The following SNAPC1 variants were observed in gnomAD, a reference collection of about 807,000 sequenced individuals.
SNAPC1 encodes snRNA-activating protein complex subunit 1.
In SNAPC1, 42 loss-of-function variants were observed where a neutral mutation model predicts 50.1. The observed-to-expected ratio is 0.84, with a 90% CI of 0.65 to 1.08. The LOEUF is 1.08. Among genes scored for constraint, SNAPC1 ranks in the 50% least tolerant of loss-of-function variants. The pLI, the probability that SNAPC1 is intolerant of heterozygous loss-of-function variation, is 0.00. For missense variants in SNAPC1, 477 were observed against 427.3 expected (o/e 1.12, Z -1.02); for synonymous variants, 164 against 144.2 (o/e 1.14, Z -0.98).
At chr14:61,775,406 C>T (rs1325238893) in intron 4 of SNAPC1, among the ~76,000 whole-genome samples, 1 of 151,986 alleles carries the variant, frequency 6.6e-6, no homozygotes, top group Admixed American at 6.6e-5. Flanking sequence ...CAGGCGCCCA[C>T]CCCCATACCC....
chr14:61,781,306 G>A (rs1322426547), intron 7 of SNAPC1, among the ~76,000 whole-genome samples: 3 of 151,792 alleles, frequency 2.0e-5, no homozygotes, highest in Non-Finnish European at 4.4e-5. Context: ...AAAATTAGCC[G>A]GGCGTGGTGG....
At chr14:61,770,907 A>C (rs1359259915) in intron 4 of SNAPC1, among the ~76,000 whole-genome samples, 1 of 151,980 alleles carries the variant, frequency 6.6e-6, no homozygotes, top group African/African-American at 2.4e-5. Context: ...ACACTCGGCT[A>C]ATTTTTTGTA....
At chr14:61,774,111 A>G (rs1339481455) in intron 4 of SNAPC1, among the ~76,000 whole-genome samples, 3 of 152,006 alleles carry the variant, frequency 2.0e-5, no homozygotes, top group Non-Finnish European at 2.9e-5. Flanking sequence ...GTCCAAGTCT[A>G]TAAGGCTCCA....
chr14:61,776,359 G>A, intron 5 of SNAPC1, 106 bp downstream of exon 5: 1 of 1,012,550 alleles, frequency 9.9e-7, no homozygotes, highest in Non-Finnish European at 1.5e-6. Flanking sequence ...GTAATCCTGT[G>A]GAGCTAAGAT....
At chr14:61,792,772 G>A (rs1016823375) in intron 8 of SNAPC1, 35 bp from the exon 9 acceptor site, 1 of 1,148,212 alleles carries the variant, frequency 8.7e-7, no homozygotes, top group African/African-American at 1.6e-5. Context: ...AATATTCTTT[G>A]CTTTCATATA....
At chr14:61,793,002 T>G in intron 9 of SNAPC1, 100 bp downstream of exon 9, 1 of 590,452 alleles carries the variant, frequency 1.7e-6, no homozygotes, top group Non-Finnish European at 3.0e-6. Context: ...TTGCTGTGTG[T>G]TCTTGTGATC....
chr14:61,783,462 G>T (rs1202095727), intron 8 of SNAPC1, among the ~76,000 whole-genome samples: 1 of 146,472 alleles, frequency 6.8e-6, no homozygotes, highest in East Asian at 2.0e-4. Flanking sequence ...TTGACACGGT[G>T]TATCTGTAAA....
At chr14:61,788,694 A>G (rs2045131676) in intron 8 of SNAPC1, among the ~76,000 whole-genome samples, 2 of 152,254 alleles carry the variant, frequency 1.3e-5, no homozygotes, top group Non-Finnish European at 1.5e-5. Flanking sequence ...GTGAGGAAAT[A>G]AAATCTCAGT....
chr14:61,792,883 T>C lies in SNAPC1; in HGVS notation c.1053T>C (p.Asn351=), dbSNP rs765220701. The change falls in exon 9 of 10, where the codon AAT becomes AAC. Residue 351 remains asparagine (N), a synonymous_variant. Coordinates refer to ENST00000216294, the MANE Select transcript of SNAPC1 (RefSeq NM_003082.4). ...SMPVITEEEE[N]ESLSGTEFTA... ...CTGTAATTACAGAAGAAGAAGAGAA[T>C]GAAAGTTTGAGTGGAACAGGTACAG... is the stretch of plus-strand genomic sequence containing the variant. 41 of 1,602,556 alleles carry C rather than the reference T, an allele frequency of 2.6e-5. No individual in the cohort carries two copies. Among genetic ancestry groups the C allele is most frequent in the Admixed American group, 1.5e-4 (9 of 58,890 alleles).
At chr14:61,772,279 G>C (rs1194287849) in intron 4 of SNAPC1, among the ~76,000 whole-genome samples, 1 of 151,636 alleles carries the variant, frequency 6.6e-6, no homozygotes, top group Non-Finnish European at 1.5e-5. Flanking sequence ...ACGGTGTCTT[G>C]CTCTGTGTCC....
intron 8 of SNAPC1, among the ~76,000 whole-genome samples, chr14:61,790,483 T>C (rs1404985881): frequency 6.6e-6 from 1 of 152,078 alleles, no homozygotes. Context: ...TTACAGGCGC[T>C]CGCCACCACG....
chr14:61,765,492 C>T (rs2044940319), intron 1 of SNAPC1, among the ~76,000 whole-genome samples: 3 of 152,140 alleles, frequency 2.0e-5, no homozygotes, highest in African/African-American at 7.2e-5. Flanking sequence ...GGCGGGACAA[C>T]TTGAAGCAAA....
chr14:61,783,414 C>G (rs565984063), intron 8 of SNAPC1, among the ~76,000 whole-genome samples: 4 of 151,752 alleles, frequency 2.6e-5, no homozygotes, highest in Non-Finnish European at 5.9e-5. Context: ...TTCTATAAAC[C>G]ATGTTTCTTT....
rs2045181333 is a variant in SNAPC1 at position 61,795,298 on chromosome 14, C to T, written c.*315C>T. On this transcript the variant is annotated 3_prime_UTR_variant, in exon 10 of 10. Coordinates refer to ENST00000216294, the MANE Select transcript of SNAPC1 (RefSeq NM_003082.4). ...TTTGTGATACTATACTGTCCTAATA[C>T]AGTCTGGTAATACTATTCTATTTTA... 4.8e-6 allele frequency: 1 copy of T among 206,376 alleles called. No individual in the cohort carries two copies. Among genetic ancestry groups the T allele is most frequent in the African/African-American group, 2.3e-5 (1 of 43,352 alleles). The allele number at this position is 206,376 out of a possible 1,614,324, so 12.8% of individuals were successfully genotyped here.
chr14:61,785,737 TGA>T (rs1566592628), intron 8 of SNAPC1, among the ~76,000 whole-genome samples: 1 of 152,206 alleles, frequency 6.6e-6, no homozygotes, highest in East Asian at 1.9e-4. Context: ...TTGGATTTTT[TGA>T]GTCTTTGATG....
chr14:61,784,740 A>G (rs189767767), intron 8 of SNAPC1, among the ~76,000 whole-genome samples: 452 of 152,326 alleles, frequency 3.0e-3, no homozygotes, highest in Non-Finnish European at 4.5e-3. Flanking sequence ...TTTAATCTTT[A>G]AAGTGTGTGT....
chr14:61,774,807 G>A (rs2140178503), intron 4 of SNAPC1, among the ~76,000 whole-genome samples: 1 of 152,008 alleles, frequency 6.6e-6, no homozygotes, highest in Middle Eastern at 3.4e-3. Flanking sequence ...GGGATTACAA[G>A]CATGTGCCAC....
Position 61,795,013 on chromosome 14 carries a change from G to A in SNAPC1, c.*30G>A. On this transcript the variant is annotated 3_prime_UTR_variant, in exon 10 of 10. Transcript: ENST00000216294. ...AGAGCCTGGTGTAGTTTTTAATTTT[G>A]AGTTTTCTGACAGAAGAAAAGATTG... The A allele has an allele frequency of 6.8e-7, 1 of 1,476,072 alleles. No homozygotes were observed. Among genetic ancestry groups the A allele is most frequent in the East Asian group, 2.3e-5 (1 of 42,928 alleles). The allele number at this position is 1,476,072 out of a possible 1,614,324, so 91.4% of individuals were successfully genotyped here. A position where few individuals can be genotyped will look rare whatever the true frequency, so the allele number is the denominator to read the frequency against.
intron 3 of SNAPC1, among the ~76,000 whole-genome samples, 154 bp downstream of exon 3, chr14:61,767,506 C>T (rs1412727342): frequency 6.6e-6 from 1 of 152,022 alleles, no homozygotes; most frequent in Non-Finnish European, 1.5e-5. Flanking sequence ...CTCTGTCGCC[C>T]AGGCTGGAGT....
Sources: gnomAD v4.1 joint callset for allele counts (sites outside exome capture counted in the v4.1 genomes callset) on GRCh38, gnomAD v4.1.1 for gene constraint, MANE v1.5 for transcripts, NCBI Gene and HGNC (gene_info 2026-07-23, HGNC 2026-07-21) for gene names.